NCKAP5: variants seen among roughly 807,000 people sequenced by gnomAD.
NCKAP5 encodes the protein NCK associated protein 5.
In NCKAP5, 92 loss-of-function variants were observed where a neutral mutation model predicts 167.0. The observed-to-expected ratio is 0.55, with a 90% CI of 0.47 to 0.66. NCKAP5 has a LOEUF of 0.66. NCKAP5 is among the 30% of genes least tolerant of loss of function. The pLI is 0.00. For synonymous variants in NCKAP5, 891 were observed against 877.4 expected (o/e 1.02, Z -0.27); for missense variants, 2,378 against 2,315.0 (o/e 1.03, Z -0.56).
rs532643294 is a variant in NCKAP5 at position 132,743,106 on chromosome 2, C to A, written c.5129-11055G>T. On this transcript the variant is annotated intron_variant, in intron 16 of 19. Transcript: ENST00000409261. Reference sequence around the variant, plus strand: ...CACACACACACAATTGCAGTGTTTTCTGACATTGAAAGATAAGCACAGAAT... The same window carrying A: ...CACACACACACAATTGCAGTGTTTTATGACATTGAAAGATAAGCACAGAAT... Among the ~76,000 whole-genome samples, 30 of 151,818 alleles carry A rather than the reference C, an allele frequency of 2.0e-4. 1 individual carries two copies. In the South Asian group the frequency reaches 2.7e-3, roughly 14 times the overall value.
chr2:133,366,854 G>A (rs1167439992), intron 3 of NCKAP5, among the ~76,000 whole-genome samples: 1 of 152,102 alleles, frequency 6.6e-6, no homozygotes, highest in Non-Finnish European at 1.5e-5. Context: ...TAAAGTATAT[G>A]TGTGACACTT....
intron 3 of NCKAP5, among the ~76,000 whole-genome samples, chr2:133,426,375 G>C (rs1351668530): frequency 2.2e-5 from 3 of 137,784 alleles, no homozygotes; most frequent in Non-Finnish European, 4.7e-5. Context: ...AGCCTTAAAT[G>C]CTTTTATTTA....
At chr2:133,274,141 A>C (rs1174242206) in intron 4 of NCKAP5, among the ~76,000 whole-genome samples, 1 of 151,986 alleles carries the variant, frequency 6.6e-6, no homozygotes, top group Non-Finnish European at 1.5e-5. Context: ...ATCTCCACAG[A>C]AAATGGAAGA....
rs577705109 is a variant in NCKAP5, at chr2:133,198,244, A to G, written c.207+15472T>C. 4.6e-4 allele frequency among the ~76,000 whole-genome samples: 70 copies of G among 152,304 alleles called. No individual in the cohort carries two copies. The South Asian group carries it at 5.0e-3, about 11-fold the overall frequency. On this transcript the variant is annotated intron_variant, in intron 5 of 19. Coordinates refer to ENST00000409261, the MANE Select transcript of NCKAP5 (RefSeq NM_207363.3). ...GAGAAAAAGTGTGGTGCAAACATAC[A>G]TGTATCTGAAGAAATAATTTGGTGA...
At chr2:133,198,717 T>C (rs1007886695) in intron 5 of NCKAP5, among the ~76,000 whole-genome samples, 1 of 152,140 alleles carries the variant, frequency 6.6e-6, no homozygotes, top group East Asian at 1.9e-4. Flanking sequence ...TCTGCCCACA[T>C]TGATACAGAG....
the NCKAP5 span, among the ~76,000 whole-genome samples, chr2:133,637,300 T>G: frequency 0.09 from 13,571 of 150,790 alleles, 690 homozygotes; most frequent in African/African-American, 0.1. Context: ...TGGTAGCACC[T>G]CAGGGTGCAT....
intron 11 of NCKAP5, among the ~76,000 whole-genome samples, chr2:132,827,893 T>C (rs1005412476): frequency 6.6e-6 from 1 of 152,174 alleles, no homozygotes; most frequent in Non-Finnish European, 1.5e-5. Flanking sequence ...TTCAAAGCCC[T>C]TACAAGGCCA....
At chr2:133,632,024 G>A in the NCKAP5 span, among the ~76,000 whole-genome samples, 2 of 152,198 alleles carry the variant, frequency 1.3e-5, no homozygotes, top group African/African-American at 4.8e-5. Flanking sequence ...ACCACAGCCT[G>A]GTCTCAGCTG....
rs79948460 is a variant in NCKAP5 at position 133,303,129 on chromosome 2, A to T, written c.70-19T>A. 11 of 1,549,280 alleles carry T rather than the reference A, an allele frequency of 7.1e-6. No homozygotes were observed. In the South Asian group the frequency reaches 1.3e-4, roughly 18 times the overall value. On this transcript the variant is annotated intron_variant, in intron 3 of 19. Coordinates refer to ENST00000409261, the MANE Select transcript of NCKAP5 (RefSeq NM_207363.3). ...TGTATTCCTGCACAAGCAGACAAAGACAGATGAAAACTCACTATGACAGTC... is the reference window on the plus strand; with the variant it reads ...TGTATTCCTGCACAAGCAGACAAAGTCAGATGAAAACTCACTATGACAGTC...
Position 132,783,684 on chromosome 2 carries a change from T to C in NCKAP5, c.3127A>G (p.Arg1043Gly). 6.2e-7 allele frequency: 1 copy of C among 1,613,796 alleles called. No individual in the cohort carries two copies. Among genetic ancestry groups the C allele is most frequent in the South Asian group, 1.1e-5 (1 of 91,048 alleles). Reference protein sequence around the residue: ...ALGPPKVSPKRGVPKTSPRQT... With the variant: ...ALGPPKVSPKGGVPKTSPRQT... ...CGAGGAGAGGTTTTGGGGACACCTC[T>C]CTTCGGAGAGACCTTTGGAGGCCCC... The change falls in exon 14 of 20, where the codon AGA becomes GGA. Residue 1043 changes from arginine to glycine, a missense_variant. Arg to Gly is a moderately radical substitution (Grantham distance 125). This residue lies in a region of NCKAP5 where 1,325 missense variants were observed against 1,274.5 expected (regional missense o/e 1.04). Coordinates refer to ENST00000409261, the MANE Select transcript of NCKAP5 (RefSeq NM_207363.3).
rs573101340 is a variant in NCKAP5 at position 132,870,300 on chromosome 2, T to C, written c.649-1326A>G. ...ATTACCTTGAAGCTATGTAGCTACA[T>C]GGCTACTGTTGATAAAATTAAGGTG... On this transcript the variant is annotated intron_variant, in intron 9 of 19. Coordinates refer to ENST00000409261, the MANE Select transcript of NCKAP5 (RefSeq NM_207363.3). Among the ~76,000 whole-genome samples the C allele has an allele frequency of 1.4e-3, 211 of 152,332 alleles. 1 individual carries two copies. Among genetic ancestry groups the C allele is most frequent in the African/African-American group, 4.8e-3 (199 of 41,582 alleles).
At chr2:133,607,120 A>G in the NCKAP5 span, among the ~76,000 whole-genome samples, 5 of 152,258 alleles carry the variant, frequency 3.3e-5, no homozygotes, top group African/African-American at 1.2e-4. Context: ...ACAATTTATT[A>G]CATCAGTATG....
chr2:133,105,444 G>T (rs1306868572), intron 6 of NCKAP5, among the ~76,000 whole-genome samples: 1 of 152,190 alleles, frequency 6.6e-6, no homozygotes, highest in Non-Finnish European at 1.5e-5. Context: ...ATACTAATTT[G>T]CACTCAAATC....
chr2:132,978,090 GGAAA>G (rs1377845029), intron 7 of NCKAP5, among the ~76,000 whole-genome samples: 2 of 152,114 alleles, frequency 1.3e-5, no homozygotes, highest in Non-Finnish European at 2.9e-5. Context: ...CAAATTAACA[GGAAA>G]TAAGTATGAT....
chr2:133,161,066 G>T (rs564284215), intron 5 of NCKAP5, among the ~76,000 whole-genome samples: 2 of 152,050 alleles, frequency 1.3e-5, no homozygotes, highest in African/African-American at 4.8e-5. Context: ...GTCAGCGGCC[G>T]CATTAGATTA....
At chr2:133,009,280 T>A (rs1174155536) in intron 6 of NCKAP5, among the ~76,000 whole-genome samples, 1 of 152,198 alleles carries the variant, frequency 6.6e-6, no homozygotes, top group Non-Finnish European at 1.5e-5. Context: ...AATGATTTCA[T>A]GTATGGGTTT....
chr2:133,582,795 T>C, the NCKAP5 span, among the ~76,000 whole-genome samples: 1 of 152,332 alleles, frequency 6.6e-6, no homozygotes, highest in East Asian at 1.9e-4. Context: ...GTCAACCTGA[T>C]ATAAAATCTG....
At chr2:133,564,334 T>G (rs1250200007) in intron 1 of NCKAP5, among the ~76,000 whole-genome samples, 4 of 152,232 alleles carry the variant, frequency 2.6e-5, no homozygotes, top group Non-Finnish European at 4.4e-5. Context: ...TAGTGATTGA[T>G]GTTGGAAGAA....
chr2:133,167,627 T>C (rs1034094168), intron 5 of NCKAP5, among the ~76,000 whole-genome samples: 4 of 152,254 alleles, frequency 2.6e-5, no homozygotes, highest in African/African-American at 9.6e-5. Flanking sequence ...AAATCAACTG[T>C]TCTTTCAACT....
Sources: allele counts gnomAD v4.1 joint callset (sites outside exome capture counted in the v4.1 genomes callset), GRCh38; gene constraint gnomAD v4.1.1; regional missense constraint gnomAD v4.1.1; transcripts MANE v1.5; gene names NCBI Gene and HGNC (gene_info 2026-07-23, HGNC 2026-07-21).